TTLL11: variants seen among roughly 807,000 people sequenced by gnomAD.
TTLL11 encodes the protein tubulin polyglutamylase TTLL11.
Under a neutral mutation model 51.7 loss-of-function variants are expected in TTLL11, and 42 were observed. The observed-to-expected ratio is 0.81, with a 90% CI of 0.64 to 1.05. TTLL11 has a LOEUF of 1.05. TTLL11 is among the 50% of genes least tolerant of loss of function. TTLL11 has a pLI of 0.00. For missense variants in TTLL11, 799 were observed against 940.4 expected (o/e 0.85, Z 1.97); for synonymous variants, 381 against 383.5 (o/e 0.99, Z 0.08).
chr9:121,994,863 C>T (rs1843208850), intron 3 of TTLL11, among the ~76,000 whole-genome samples: 1 of 152,178 alleles, frequency 6.6e-6, no homozygotes, highest in Admixed American at 6.5e-5. Flanking sequence ...CAAACTGAGG[C>T]TGCAGTGGAG....
intron 1 of TTLL11, among the ~76,000 whole-genome samples, chr9:122,087,844 T>A (rs77105742): frequency 6.6e-6 from 1 of 152,214 alleles, no homozygotes; most frequent in Non-Finnish European, 1.5e-5. Context: ...AAACCATGCC[T>A]TTCTTTCATG....
rs972757490 is a variant in TTLL11, at chr9:121,819,606, G to A, written c.*2981C>T. Among the ~76,000 whole-genome samples the A allele has an allele frequency of 2.6e-5, 4 of 152,150 alleles. No individual in the cohort carries two copies. Among genetic ancestry groups the A allele is most frequent in the Non-Finnish European group, 4.4e-5 (3 of 68,028 alleles). On this transcript the variant is annotated 3_prime_UTR_variant, in exon 9 of 9. Transcript: ENST00000321582. ...GGGAGAGACAGGCGTCAGGAGGAGC[G>A]GGAAGGGGCAAGAGAGCGGGAGGGA...
At chr9:122,018,211 C>T (rs1328398231) in intron 3 of TTLL11, among the ~76,000 whole-genome samples, 1 of 148,418 alleles carries the variant, frequency 6.7e-6, no homozygotes, top group African/African-American at 2.5e-5. Context: ...CTCCTGGGTT[C>T]ACGTCATTCT....
chr9:121,894,447 C>T (rs1028209079), intron 6 of TTLL11, among the ~76,000 whole-genome samples: 2 of 152,188 alleles, frequency 1.3e-5, no homozygotes, highest in Non-Finnish European at 2.9e-5. Context: ...ATGCACACCA[C>T]ATATGTTTAT....
intron 8 of TTLL11, among the ~76,000 whole-genome samples, chr9:121,827,670 T>C (rs1449304828): frequency 6.6e-6 from 1 of 152,178 alleles, no homozygotes; most frequent in Non-Finnish European, 1.5e-5. Flanking sequence ...CAATGGCCCA[T>C]TCTAATAGCC....
chr9:121,868,139 G>A (rs1283144320), intron 7 of TTLL11, among the ~76,000 whole-genome samples: 1 of 152,080 alleles, frequency 6.6e-6, no homozygotes, highest in Non-Finnish European at 1.5e-5. Context: ...AAAGATCTGT[G>A]CCCACAGATG....
intron 4 of TTLL11, 58 bp from the exon 5 acceptor site, chr9:121,975,037 C>A: frequency 1.6e-6 from 2 of 1,247,924 alleles, no homozygotes; most frequent in South Asian, 3.5e-5. Flanking sequence ...GTATTAGGGT[C>A]ATTAAGTTGA....
rs768215225 is a variant in TTLL11, at chr9:121,971,746, G to GAAAAAAAAAAA, written c.1481+2252_1481+2262dup. Reference sequence around the variant, plus strand: ...ACTAAGAAAAATTCCTCTGCCTTGGGAAAAAAAAAAAAAAAGAAAATGTGG... The same window carrying GAAAAAAAAAAA: ...ACTAAGAAAAATTCCTCTGCCTTGGGAAAAAAAAAAAAAAAAAAAAAAAAAAGAAAATGTGG... On this transcript the variant is annotated intron_variant, in intron 6 of 8. Transcript: ENST00000321582. Among the ~76,000 whole-genome samples the GAAAAAAAAAAA allele has an allele frequency of 5.0e-4, 49 of 97,850 alleles. 1 individual carries two copies. Among genetic ancestry groups the GAAAAAAAAAAA allele is most frequent in the Non-Finnish European group, 8.0e-4 (38 of 47,522 alleles). 64.2% of individuals were successfully genotyped at this position (97,850 alleles called of 152,430 possible). A position where few individuals can be genotyped will look rare whatever the true frequency, so the allele number is the denominator to read the frequency against.
At chr9:122,047,613 T>C (rs1845051467) in intron 1 of TTLL11, among the ~76,000 whole-genome samples, 2 of 150,520 alleles carry the variant, frequency 1.3e-5, no homozygotes, top group South Asian at 4.2e-4. Context: ...AAGGGAAAAG[T>C]GTTTCAAGAC....
chr9:121,922,175 A>G (rs1172432000), intron 6 of TTLL11, among the ~76,000 whole-genome samples: 1 of 152,206 alleles, frequency 6.6e-6, no homozygotes, highest in Admixed American at 6.5e-5. Flanking sequence ...TCTACCCAGA[A>G]CCATATACTG....
intron 1 of TTLL11, among the ~76,000 whole-genome samples, chr9:122,082,577 T>C (rs562549250): frequency 4.1e-5 from 6 of 147,900 alleles, no homozygotes; most frequent in South Asian, 2.1e-4. Context: ...AGAAAACACA[T>C]AGAAACAACA....
chr9:122,050,048 G>T (rs866710709), intron 1 of TTLL11, among the ~76,000 whole-genome samples: 2 of 152,040 alleles, frequency 1.3e-5, no homozygotes, highest in African/African-American at 2.4e-5. Flanking sequence ...GTGGACCAGC[G>T]AGACCCCAGC....
chr9:122,044,174 T>C (rs1392159720), intron 1 of TTLL11, among the ~76,000 whole-genome samples: 3 of 152,028 alleles, frequency 2.0e-5, no homozygotes, highest in African/African-American at 7.2e-5. Context: ...CATGTCCCTA[T>C]AAAGGACATG....
intron 6 of TTLL11, among the ~76,000 whole-genome samples, chr9:121,897,457 A>C (rs529710938): frequency 6.6e-6 from 1 of 152,064 alleles, no homozygotes; most frequent in South Asian, 2.1e-4. Context: ...CCAGATACTC[A>C]GCCTCATCAG....
chr9:121,823,280 TCATGC>T lies in TTLL11; in HGVS notation c.1841-406_1841-402del, dbSNP rs1210743535. ...CCAGCTCCTGGCTGGGCGCAGTGGCTCATGCCTATAATCCCAGCACTTTGGGAGGC... is the reference window on the plus strand; with the variant it reads ...CCAGCTCCTGGCTGGGCGCAGTGGCTCTATAATCCCAGCACTTTGGGAGGC... On this transcript the variant is annotated intron_variant, in intron 8 of 8. Transcript: ENST00000321582. Among the ~76,000 whole-genome samples, 5 of 152,330 alleles carry T rather than the reference TCATGC, an allele frequency of 3.3e-5. No homozygotes were observed. The South Asian group carries it at 6.2e-4, about 19-fold the overall frequency.
chr9:121,868,244 G>A (rs1039768282), intron 7 of TTLL11, among the ~76,000 whole-genome samples: 14 of 152,098 alleles, frequency 9.2e-5, no homozygotes, highest in African/African-American at 2.4e-4. Flanking sequence ...TCATGACCTG[G>A]GGCCTCTGTC....
chr9:121,907,986 G>A (rs1243301779), intron 6 of TTLL11, among the ~76,000 whole-genome samples: 1 of 152,052 alleles, frequency 6.6e-6, no homozygotes, highest in Non-Finnish European at 1.5e-5. Flanking sequence ...AGCCTTTCTG[G>A]GGCTCAGTAT....
At chr9:122,030,490 A>C (rs553463144) in intron 3 of TTLL11, among the ~76,000 whole-genome samples, 49 of 152,314 alleles carry the variant, frequency 3.2e-4, no homozygotes, top group Non-Finnish European at 4.4e-4. Flanking sequence ...CTCAGAAAGC[A>C]TATGCCTTGG....
In TTLL11 at chr9:121,865,092, T is replaced by C. The variant is rs918994868; in HGVS notation, c.1734-4649A>G. Among the ~76,000 whole-genome samples the C allele has an allele frequency of 2.0e-5, 3 of 152,198 alleles. No individual in the cohort carries two copies. The South Asian group carries it at 6.2e-4, about 32-fold the overall frequency. On this transcript the variant is annotated intron_variant, in intron 7 of 8. Transcript: ENST00000321582. ...TAAAATGTATGACTTCGAAAGGCCA[T>C]TGACATCCAAGGCATGCAATATTGC... is the stretch of plus-strand genomic sequence containing the variant.
Sources: allele counts gnomAD v4.1 joint callset (sites outside exome capture counted in the v4.1 genomes callset), GRCh38; gene constraint gnomAD v4.1.1; transcripts MANE v1.5; gene names NCBI Gene and HGNC (gene_info 2026-07-23, HGNC 2026-07-21).